The following HOMEZ variants were observed in gnomAD, a reference collection of about 807,000 sequenced individuals.
HOMEZ encodes homeobox and leucine zipper protein Homez.
In HOMEZ, 20 loss-of-function variants were observed where a neutral mutation model predicts 50.1. That is an observed-to-expected ratio of 0.40 (90% confidence interval 0.28 to 0.58). The LOEUF (loss-of-function observed/expected upper bound fraction) is 0.58. Ranked by LOEUF, HOMEZ falls within the 20% of genes least tolerant of loss-of-function variation. The pLI is 0.46. For missense variants in HOMEZ, 579 were observed against 680.5 expected, an observed-to-expected ratio of 0.85 and a Z score of 1.66; for synonymous variants, 239 against 254.7, an observed-to-expected ratio of 0.94 and a Z score of 0.59.
At chr14:23,281,850 G>A (rs964685789) in intron 1 of HOMEZ, among the ~76,000 whole-genome samples, 1 of 148,720 alleles carries the variant, frequency 6.7e-6, no homozygotes, top group African/African-American at 2.5e-5. Context: ...CAAAATATTA[G>A]CTGGGCATGG....
chr14:23,275,617 T>TTCCTCC lies in HOMEZ; in HGVS notation c.1605_1610dup (p.Glu536_Glu537dup), dbSNP rs35076736. ...CATCATCATCATCATCATCATCATC[T>TTCCTCC]TCCTCCTCCTCCTCCTCCTCTTCCT... is the stretch of plus-strand genomic sequence containing the variant. On this transcript the variant is annotated inframe_insertion, in exon 2 of 2. Coordinates refer to ENST00000357460, the MANE Select transcript of HOMEZ (RefSeq NM_020834.3). 2.1e-6 allele frequency: 3 copies of TTCCTCC among 1,396,758 alleles called. No homozygotes were observed. Among genetic ancestry groups the TTCCTCC allele is most frequent in the Admixed American group, 4.2e-5 (2 of 48,072 alleles). The allele number at this position is 1,396,758 out of a possible 1,614,324, so 86.5% of individuals were successfully genotyped here.
rs756332834 is a variant in HOMEZ at position 23,276,949 on chromosome 14, C to T, written c.279G>A (p.Gly93=). The T allele has an allele frequency of 5.6e-6, 9 of 1,613,942 alleles. No homozygotes were observed. The highest frequency in any genetic ancestry group is 3.3e-5 in the South Asian group (3 of 91,094). ...ADIALLCLRY[G]LQMEKVKTWF... is the part of the protein sequence containing the mutation. The stretch of plus-strand genomic sequence containing the variant: ...AAGTCTTGACTTTCTCCATCTGCAA[C>T]CCATAACGTAGGCAGAGAAGGGCAA... The change falls in exon 2 of 2, where the codon GGG becomes GGA. Residue 93 remains glycine, a synonymous_variant. Transcript: ENST00000357460. The surrounding 1 kb of genome is among the most constrained non-coding windows in gnomAD (Gnocchi z 4.1).
chr14:23,275,289 G>C lies in HOMEZ; in HGVS notation c.*286C>G, dbSNP rs1886316053. On this transcript the variant is annotated 3_prime_UTR_variant, in exon 2 of 2. Coordinates refer to ENST00000357460, the MANE Select transcript of HOMEZ (RefSeq NM_020834.3). ...GGGAAAAAAACAGCAGACACGAGGA[G>C]AGCAAGAGCAGCTTCCCAGCCCATG... is the stretch of plus-strand genomic sequence containing the variant. 2 of 441,806 alleles carry C rather than the reference G, an allele frequency of 4.5e-6. No individual in the cohort carries two copies. Among genetic ancestry groups the C allele is most frequent in the Non-Finnish European group, 8.0e-6 (2 of 250,240 alleles). 27.4% of individuals were successfully genotyped at this position (441,806 alleles called of 1,614,324 possible).
rs1385833194 is a variant in HOMEZ at position 23,273,034 on chromosome 14, C to T, written c.*2541G>A. ...GTACCTTATGCTCCCCCCATCTTTA[C>T]CCTATTCACCCTTATCACCTCCCAG... On this transcript the variant is annotated 3_prime_UTR_variant, in exon 2 of 2. Transcript: ENST00000357460. 1.3e-5 allele frequency: 7 copies of T among 531,682 alleles called. No homozygotes were observed. The highest frequency in any genetic ancestry group is 1.3e-4 in the South Asian group (5 of 38,788). The allele number at this position is 531,682 out of a possible 1,614,324, so 32.9% of individuals were successfully genotyped here. A position where few individuals can be genotyped will look rare whatever the true frequency, so the allele number is the denominator to read the frequency against.
At chr14:23,280,695 A>ATTTTT (rs1165224278) in intron 1 of HOMEZ, among the ~76,000 whole-genome samples, 1 of 90,558 alleles carries the variant, frequency 1.1e-5, no homozygotes, top group East Asian at 3.7e-4. Context: ...TTTTATTTTT[A>ATTTTT]TTTTTATATT....
rs758312331 is a variant in HOMEZ, at chr14:23,275,532, G to A, written c.*43C>T. 6.7e-7 allele frequency: 1 copy of A among 1,499,812 alleles called. No homozygotes were observed. The highest frequency in any genetic ancestry group is 2.5e-5 in the East Asian group (1 of 40,506). 92.9% of individuals were successfully genotyped at this position (1,499,812 alleles called of 1,614,324 possible). On this transcript the variant is annotated 3_prime_UTR_variant, in exon 2 of 2. Transcript: ENST00000357460. ...CTTTGTTTAAACAGTTACTAAGTTG[G>A]TTCATCTTTCAGTAACAGACCTCCC...
chr14:23,277,725 G>A (rs1394979073), intron 1 of HOMEZ, among the ~76,000 whole-genome samples: 5 of 145,268 alleles, frequency 3.4e-5, no homozygotes, highest in Non-Finnish European at 6.0e-5. Context: ...CAGCCTGGGT[G>A]ATAGAGTGAG....
At chr14:23,280,227 T>G (rs1886459582) in intron 1 of HOMEZ, among the ~76,000 whole-genome samples, 1 of 152,104 alleles carries the variant, frequency 6.6e-6, no homozygotes, top group African/African-American at 2.4e-5. Flanking sequence ...CCTAACCCTT[T>G]AGGTCATGTG....
Position 23,273,597 on chromosome 14 carries a change from C to T in HOMEZ, c.*1978G>A, listed in dbSNP as rs1886263147. ...GAAATGACGAATTAAATAGGTTAGC[C>T]ACTCACAAGCTGGCCTTAAGCAAAA... On this transcript the variant is annotated 3_prime_UTR_variant, in exon 2 of 2. Transcript: ENST00000357460. The T allele has an allele frequency of 6.6e-6, 1 of 152,180 alleles. No homozygotes were observed. The highest frequency in any genetic ancestry group is 2.1e-4 in the South Asian group (1 of 4,832). 9.4% of individuals were successfully genotyped at this position (152,180 alleles called of 1,614,324 possible). A position where few individuals can be genotyped will look rare whatever the true frequency, so the allele number is the denominator to read the frequency against.
rs373451865 is a variant in HOMEZ at position 23,275,962 on chromosome 14, G to A, written c.1266C>T (p.Asn422=). ...KHGQLKWFRD[N]AVPGAPSFQD... The stretch of plus-strand genomic sequence containing the variant: ...GGAAACTAGGGGCACCAGGTACTGC[G>A]TTGTCCCGAAACCACTTTAGTTGCC... The change falls in exon 2 of 2, where the codon AAC becomes AAT. Residue 422 remains asparagine, a synonymous_variant. Coordinates refer to ENST00000357460, the MANE Select transcript of HOMEZ (RefSeq NM_020834.3). The A allele has an allele frequency of 6.4e-5, 103 of 1,612,688 alleles. No individual in the cohort carries two copies. The highest frequency in any genetic ancestry group is 4.5e-4 in the South Asian group (41 of 90,892).
In HOMEZ at chr14:23,276,404, T is replaced by C; in HGVS notation, c.824A>G (p.Glu275Gly). ...PIALIASSCK[E>G]ESASSVTPSS... ...GGGAGTAACACTAGATGCTGACTCC[T>C]CCTTACAACTACTGGCAATTAATGC... The change falls in exon 2 of 2, where the codon GAG (glutamate) becomes GGG (glycine). Residue 275 changes from glutamate (E) to glycine (G), a missense_variant. Physicochemically the swap from Glu to Gly is moderately conservative, Grantham distance 98. Coordinates refer to ENST00000357460, the MANE Select transcript of HOMEZ (RefSeq NM_020834.3). The surrounding 1 kb of genome is among the most constrained non-coding windows in gnomAD (Gnocchi z 4.1). The C allele has an allele frequency of 6.2e-7, 1 of 1,614,020 alleles. No individual in the cohort carries two copies. The highest frequency in any genetic ancestry group is 8.5e-7 in the Non-Finnish European group (1 of 1,179,876).
At chr14:23,284,839 C>T (rs536792910) in intron 1 of HOMEZ, among the ~76,000 whole-genome samples, 8 of 152,260 alleles carry the variant, frequency 5.3e-5, no homozygotes, top group East Asian at 1.9e-4. Context: ...TAAAGCAAAA[C>T]GGGAAACCAA....
chr14:23,276,386 A>G lies in HOMEZ; in HGVS notation c.842T>C (p.Val281Ala), dbSNP rs763986019. ...AGAGGTAGAGGAAGAAGAGGGAGTA[A>G]CACTAGATGCTGACTCCTCCTTACA... ...SSCKEESASS[V>A]TPSSSSTSSS... is the part of the protein sequence containing the mutation. The change falls in exon 2 of 2, where the codon GTT becomes GCT. Residue 281 changes from valine (V) to alanine (A), a missense_variant. Physicochemically the swap from Val to Ala is moderately conservative, Grantham distance 64 (BLOSUM62 0). Transcript: ENST00000357460. This position sits in a 1 kb window ranked among gnomAD's most constrained non-coding sequence, Gnocchi z 4.1. The G allele has an allele frequency of 3.1e-6, 5 of 1,613,906 alleles. No homozygotes were observed. Among genetic ancestry groups the G allele is most frequent in the Non-Finnish European group, 4.2e-6 (5 of 1,179,894 alleles).
Position 23,275,613 on chromosome 14 carries a change from C to A in HOMEZ, c.1615G>T (p.Asp539Tyr). Residue 539 changes from aspartate (D) to tyrosine (Y), a missense_variant, in exon 2 of 2, where the codon GAT becomes TAT. Physicochemically the swap from Asp to Tyr is radical, Grantham distance 160. Coordinates refer to ENST00000357460, the MANE Select transcript of HOMEZ (RefSeq NM_020834.3). ...EEEEEEEEED[D>Y]DDDDDDVIIQ... ...ATCACATCATCATCATCATCATCAT[C>A]ATCTTCCTCCTCCTCCTCCTCCTCT... The A allele has an allele frequency of 1.4e-6, 2 of 1,430,828 alleles. No homozygotes were observed. The highest frequency in any genetic ancestry group is 1.9e-6 in the Non-Finnish European group (2 of 1,059,700). 88.6% of individuals were successfully genotyped at this position (1,430,828 alleles called of 1,614,324 possible).
chr14:23,272,785 A>G lies in HOMEZ; in HGVS notation c.*2790T>C. On this transcript the variant is annotated 3_prime_UTR_variant, in exon 2 of 2. Coordinates refer to ENST00000357460, the MANE Select transcript of HOMEZ (RefSeq NM_020834.3). ...AGACTTGCTTGCCCTTTTTGCTGTTATAAACACCCACATCTACCTTCTTGT... is the reference window on the plus strand; with the variant it reads ...AGACTTGCTTGCCCTTTTTGCTGTTGTAAACACCCACATCTACCTTCTTGT... 1 of 1,410,980 alleles carries G rather than the reference A, an allele frequency of 7.1e-7. No homozygotes were observed. Among genetic ancestry groups the G allele is most frequent in the Non-Finnish European group, 9.8e-7 (1 of 1,020,848 alleles). 87.4% of individuals were successfully genotyped at this position (1,410,980 alleles called of 1,614,324 possible). A position where few individuals can be genotyped will look rare whatever the true frequency, so the allele number is the denominator to read the frequency against.
rs1204951010 is a variant in HOMEZ at position 23,276,156 on chromosome 14, G to A, written c.1072C>T (p.Arg358Ter). 11 of 1,613,722 alleles carry A rather than the reference G, an allele frequency of 6.8e-6. No homozygotes were observed. Among genetic ancestry groups the A allele is most frequent in the Admixed American group, 3.3e-5 (2 of 59,976 alleles). ...EYLSPDMQRQ[R>*]KTKRKTKEQL... ...TCTTTGGTTTTGCGCTTGGTCTTTC[G>A]CTGGCGTTGCATATCTGGGGAAAGG... The change falls in exon 2 of 2, where the codon CGA (arginine) becomes TGA (stop). Residue 358 changes from arginine to a stop codon, truncating the protein, a stop_gained. Coordinates refer to ENST00000357460, the MANE Select transcript of HOMEZ (RefSeq NM_020834.3). LOFTEE classifies it high-confidence loss of function. The surrounding 1 kb of genome is among the most constrained non-coding windows in gnomAD (Gnocchi z 4.1).
Position 23,276,197 on chromosome 14 carries a change from A to G in HOMEZ, c.1031T>C (p.Val344Ala). The G allele has an allele frequency of 1.2e-6, 2 of 1,613,722 alleles. No homozygotes were observed. Among genetic ancestry groups the G allele is most frequent in the Admixed American group, 3.3e-5 (2 of 59,986 alleles). The change falls in exon 2 of 2, where the codon GTT becomes GCT. Residue 344 changes from valine (V) to alanine (A), a missense_variant. Transcript: ENST00000357460. This position sits in a 1 kb window ranked among gnomAD's most constrained non-coding sequence, Gnocchi z 4.1. ...GLRHNSVPGR[V>A]GPTEYLSPDM... is the part of the protein sequence containing the mutation. ...TGGGGAAAGGTACTCTGTGGGGCCA[A>G]CTCTACCTGGTACTGAGTTATGCCG...
chr14:23,276,855 G>C lies in HOMEZ; in HGVS notation c.373C>G (p.Arg125Gly). ...SSEEIEETRA[R>G]VVYRRDQLHF... Reference sequence around the variant, plus strand: ...AGTTGGTCCCGACGGTAGACTACTCGGGCTCGAGTCTCTTCTATTTCTTCA... The same window carrying C: ...AGTTGGTCCCGACGGTAGACTACTCCGGCTCGAGTCTCTTCTATTTCTTCA... Residue 125 changes from arginine (R) to glycine (G), a missense_variant, in exon 2 of 2, where the codon CGA (arginine) becomes GGA (glycine). Transcript: ENST00000357460. This position sits in a 1 kb window ranked among gnomAD's most constrained non-coding sequence, Gnocchi z 4.1. The C allele has an allele frequency of 2.5e-6, 4 of 1,614,022 alleles. No homozygotes were observed. Among genetic ancestry groups the C allele is most frequent in the Non-Finnish European group, 2.5e-6 (3 of 1,179,892 alleles).
At chr14:23,280,740 A>ATTATTTTATTTTATCTTATTTTATT (rs1886517350) in intron 1 of HOMEZ, among the ~76,000 whole-genome samples, 1 of 41,264 alleles carries the variant, frequency 2.4e-5, no homozygotes, top group Non-Finnish European at 5.1e-5. Flanking sequence ...ATTTTATTTT[A>ATTATTTTATTTTATCTTATTTTATT]TTATTTTATT....
Sources: allele counts gnomAD v4.1 joint callset (sites outside exome capture counted in the v4.1 genomes callset), GRCh38; gene constraint gnomAD v4.1.1; non-coding constraint Gnocchi (gnomAD v3.1); transcripts MANE v1.5; gene names NCBI Gene and HGNC (gene_info 2026-07-23, HGNC 2026-07-21).